DYNC2I1: variants seen among roughly 807,000 people sequenced by gnomAD.
DYNC2I1 encodes the protein cytoplasmic dynein 2 intermediate chain 1.
A neutral mutation model predicts 133.4 loss-of-function variants in DYNC2I1; 89 were observed. The ratio of observed to expected loss-of-function variants is 0.67; its 90% confidence interval spans 0.56 to 0.80. The LOEUF (loss-of-function observed/expected upper bound fraction) is 0.80. Ranked by LOEUF, DYNC2I1 falls within the 30% of genes least tolerant of loss-of-function variation. The probability of loss-of-function intolerance (pLI) is 0.00; values close to 1 mark genes in which losing one functional copy is unlikely to be tolerated. For missense variants in DYNC2I1, 1,291 were observed against 1,314.5 expected, an observed-to-expected ratio of 0.98 and a Z score of 0.28; for synonymous variants, 504 against 484.3, an observed-to-expected ratio of 1.04 and a Z score of -0.54.
At chr7:158,846,069 G>C in the DYNC2I1 span, among the ~76,000 whole-genome samples, 1 of 152,100 alleles carries the variant, frequency 6.6e-6, no homozygotes, top group Admixed American at 6.6e-5. Context: ...AGACTAGCCT[G>C]GGCAACATAG....
chr7:158,872,609 A>G (rs1186860670), intron 3 of DYNC2I1, among the ~76,000 whole-genome samples: 1 of 152,100 alleles, frequency 6.6e-6, no homozygotes, highest in East Asian at 1.9e-4. Context: ...TACTCCAGAC[A>G]GAGCGAGACT....
intron 8 of DYNC2I1, 67 bp from the exon 9 acceptor site, chr7:158,901,672 C>T (rs1175189594): frequency 1.0e-6 from 1 of 990,888 alleles, no homozygotes; most frequent in East Asian, 2.7e-5. Flanking sequence ...TATGTTTTCC[C>T]AATCTATTTG....
At position 158,887,377 on chromosome 7, in the gene DYNC2I1, C is replaced by T. The variant is rs191641467; in HGVS notation, c.990+302C>T. Among the ~76,000 whole-genome samples, 11 of 152,156 alleles carry T rather than the reference C, an allele frequency of 7.2e-5. No homozygotes were observed. The East Asian group carries it at 2.1e-3, about 29-fold the overall frequency. ...GACAGAAAGTGTTACTAGAGAGAGACAATTCAGAATGAGCAAATAATTGGT... is the reference window on the plus strand; with the variant it reads ...GACAGAAAGTGTTACTAGAGAGAGATAATTCAGAATGAGCAAATAATTGGT... On this transcript the variant is annotated intron_variant, in intron 7 of 24. Coordinates refer to ENST00000407559, the MANE Select transcript of DYNC2I1 (RefSeq NM_018051.5).
chr7:158,920,586 G>A (rs1253940688), intron 15 of DYNC2I1, among the ~76,000 whole-genome samples: 1 of 151,880 alleles, frequency 6.6e-6, no homozygotes, highest in Non-Finnish European at 1.5e-5. Context: ...CGGGGAACAC[G>A]TGAAGTGCAT....
At position 158,934,222 on chromosome 7, in the gene DYNC2I1, A is replaced by G; in HGVS notation, c.2640A>G (p.Thr880=). ...ATCCTAATCACTTTATTATTGGCAC[A>G]GACATGGTGAGTAGTATTTTAAATT... is the stretch of plus-strand genomic sequence containing the variant. ...PSDPNHFIIG[T]DMGLISHGTR... Residue 880 remains threonine (T), a synonymous_variant, in exon 22 of 25, where the codon ACA becomes ACG. Coordinates refer to ENST00000407559, the MANE Select transcript of DYNC2I1 (RefSeq NM_018051.5). The G allele has an allele frequency of 2.5e-6, 4 of 1,607,462 alleles. No individual in the cohort carries two copies. The South Asian group carries it at 4.5e-5, about 18-fold the overall frequency.
chr7:158,915,323 A>G (rs1291331314), intron 14 of DYNC2I1, among the ~76,000 whole-genome samples: 1 of 151,278 alleles, frequency 6.6e-6, no homozygotes, highest in South Asian at 2.1e-4. Flanking sequence ...ACGCTGGTTG[A>G]CATTAAGGAT....
At chr7:158,881,137 C>T (rs1245805657) in intron 5 of DYNC2I1, among the ~76,000 whole-genome samples, 1 of 152,264 alleles carries the variant, frequency 6.6e-6, no homozygotes, top group Non-Finnish European at 1.5e-5. Flanking sequence ...GCAGAAGCTG[C>T]CTGGCTCCCG....
chr7:158,926,408 C>T lies in DYNC2I1; in HGVS notation c.2378C>T (p.Ser793Leu). ...LSPFSTQEEM[S>L]GLSFHIASLD... Reference sequence around the variant, plus strand: ...TTGTTTCTGTCTTCATCAGAAATGTCAGGTTTGTCCTTCCACATCGCTTCC... The same window carrying T: ...TTGTTTCTGTCTTCATCAGAAATGTTAGGTTTGTCCTTCCACATCGCTTCC... Residue 793 changes from serine (S) to leucine (L), a missense_variant, in exon 19 of 25, where the codon TCA (serine) becomes TTA (leucine). Transcript: ENST00000407559. 6.2e-7 allele frequency: 1 copy of T among 1,612,956 alleles called. No individual in the cohort carries two copies. Among genetic ancestry groups the T allele is most frequent in the Non-Finnish European group, 8.5e-7 (1 of 1,179,398 alleles).
At chr7:158,926,823 A>G (rs1849677763) in intron 19 of DYNC2I1, among the ~76,000 whole-genome samples, 169 bp from the exon 20 acceptor site, 10 of 152,232 alleles carry the variant, frequency 6.6e-5, no homozygotes, top group Admixed American at 6.5e-4. Context: ...AAAGCAAAGG[A>G]GTCAACTTGT....
intron 13 of DYNC2I1, 143 bp from the exon 14 acceptor site, chr7:158,914,090 G>A: frequency 1.7e-6 from 1 of 598,466 alleles, no homozygotes; most frequent in Non-Finnish European, 2.9e-6. Flanking sequence ...AGTAAATCTA[G>A]AGAGTATAGC....
intron 14 of DYNC2I1, among the ~76,000 whole-genome samples, chr7:158,915,336 T>C (rs1585142819): frequency 6.7e-6 from 1 of 148,754 alleles, no homozygotes; most frequent in Admixed American, 6.7e-5. Flanking sequence ...TTAAGGATGA[T>C]TGTGAAACGT....
At chr7:158,840,061 T>C in the DYNC2I1 span, among the ~76,000 whole-genome samples, 1 of 152,124 alleles carries the variant, frequency 6.6e-6, no homozygotes, top group Non-Finnish European at 1.5e-5. Context: ...GCAATCCTCC[T>C]GCCTCAGCTT....
the DYNC2I1 span, among the ~76,000 whole-genome samples, chr7:158,847,038 T>G: frequency 6.6e-6 from 1 of 152,228 alleles, no homozygotes; most frequent in Non-Finnish European, 1.5e-5. Context: ...CTTATCAGAC[T>G]TTAATTGACT....
At chr7:158,890,129 C>T (rs578147494) in intron 7 of DYNC2I1, among the ~76,000 whole-genome samples, 8 of 151,574 alleles carry the variant, frequency 5.3e-5, no homozygotes, top group East Asian at 1.9e-4. Flanking sequence ...ATTACAGGTG[C>T]GAGCCACCAC....
chr7:158,955,782 T>C (rs1352142417), intron 4 of DYNC2I1, among the ~76,000 whole-genome samples: 1 of 152,214 alleles, frequency 6.6e-6, no homozygotes, highest in Non-Finnish European at 1.5e-5. Context: ...GCTCCAGAGC[T>C]TGTGACCTCC....
intron 8 of DYNC2I1, among the ~76,000 whole-genome samples, chr7:158,892,938 C>CAAA (rs35161914): frequency 2.8e-5 from 3 of 105,766 alleles, no homozygotes; most frequent in Non-Finnish European, 6.1e-5. Context: ...AACTCCATCT[C>CAAA]AAAAAAAAAA....
chr7:158,884,273 G>A (rs1585029529), intron 5 of DYNC2I1, among the ~76,000 whole-genome samples: 2 of 149,164 alleles, frequency 1.3e-5, no homozygotes, highest in East Asian at 2.1e-4. Context: ...TATAACTCCC[G>A]ACCTCAGGTG....
chr7:158,910,710 C>A (rs898963497), intron 11 of DYNC2I1, among the ~76,000 whole-genome samples: 2 of 147,446 alleles, frequency 1.4e-5, no homozygotes, highest in Non-Finnish European at 3.0e-5. Flanking sequence ...CTGTGTCAGA[C>A]CTGTGGGCGG....
At chr7:158,866,884 C>G (rs1206234483) in intron 1 of DYNC2I1, among the ~76,000 whole-genome samples, 1 of 132,292 alleles carries the variant, frequency 7.6e-6, no homozygotes, top group East Asian at 2.2e-4. Context: ...GGCTCCGTCT[C>G]AAAAAAAAAA....
Sources: gnomAD v4.1 joint callset for allele counts (sites outside exome capture counted in the v4.1 genomes callset) on GRCh38, gnomAD v4.1.1 for gene constraint, MANE v1.5 for transcripts, NCBI Gene and HGNC (gene_info 2026-07-23, HGNC 2026-07-21) for gene names.